Variants in CYP4Z1 observed in about 807,000 individuals in gnomAD.
The protein encoded by CYP4Z1 is cytochrome P450 family 4 subfamily Z member 1, also known as cytochrome P450 4Z1.
Under a neutral mutation model 54.2 loss-of-function variants are expected in CYP4Z1, and 41 were observed. The observed-to-expected ratio is 0.76, with a 90% CI of 0.59 to 0.98. The LOEUF (loss-of-function observed/expected upper bound fraction) is 0.98, where lower values mean the gene tolerates loss of function less well. CYP4Z1 is among the 50% of genes least tolerant of loss of function. The pLI is 0.00. For synonymous variants in CYP4Z1, 163 were observed against 206.2 expected, an observed-to-expected ratio of 0.79 and a Z score of 1.79; for missense variants, 513 against 599.0, an observed-to-expected ratio of 0.86 and a Z score of 1.50.
rs201088738 is a variant in CYP4Z1 at position 47,084,337 on chromosome 1, T to C, written c.493-283T>C. ...TTTATTCCATGTTTTGTCAGCTTAG[T>C]TTTTCCATGATAAAAGTCATATAAA... is the stretch of plus-strand genomic sequence containing the variant. On this transcript the variant is annotated intron_variant, in intron 4 of 11. Coordinates refer to ENST00000334194, the MANE Select transcript of CYP4Z1 (RefSeq NM_178134.3). 7.0e-4 allele frequency among the ~76,000 whole-genome samples: 106 copies of C among 151,530 alleles called. 1 individual carries two copies. The East Asian group carries it at 8.4e-3, about 12-fold the overall frequency.
At chr1:47,096,784 T>G (rs1485468158) in intron 7 of CYP4Z1, 3 of 152,010 alleles carry the variant, frequency 2.0e-5, no homozygotes, top group Admixed American at 6.5e-5. Flanking sequence ...ATTGCCACCA[T>G]GCCTGGCTAA....
chr1:47,083,859 C>G (rs1452040402), intron 4 of CYP4Z1, among the ~76,000 whole-genome samples: 1 of 152,156 alleles, frequency 6.6e-6, no homozygotes, highest in African/African-American at 2.4e-5. Flanking sequence ...TGCTCTTTCT[C>G]TACTCTTCTT....
Position 47,117,960 on chromosome 1 carries a change from A to T in CYP4Z1, c.*26A>T. 7.5e-6 allele frequency: 12 copies of T among 1,604,540 alleles called. No individual in the cohort carries two copies. The highest frequency in any genetic ancestry group is 1.0e-5 in the Non-Finnish European group (12 of 1,173,382). On this transcript the variant is annotated 3_prime_UTR_variant, in exon 12 of 12. Transcript: ENST00000334194. ...TTTTAAGTCCTTTCGTATAAGAATTAATGAGACAATTTTCCTACCAAAGGA... is the reference window on the plus strand; with the variant it reads ...TTTTAAGTCCTTTCGTATAAGAATTTATGAGACAATTTTCCTACCAAAGGA...
upstream of CYP4Z1, among the ~76,000 whole-genome samples, chr1:47,065,445 A>G (rs537215274): frequency 4.3e-4 from 65 of 152,310 alleles, no homozygotes; most frequent in Middle Eastern, 3.4e-3. Flanking sequence ...GGGGTCAACA[A>G]TGAAATCAAG....
chr1:47,105,522 A>G (rs1644750397), intron 8 of CYP4Z1, among the ~76,000 whole-genome samples: 1 of 152,004 alleles, frequency 6.6e-6, no homozygotes, highest in African/African-American at 2.4e-5. Context: ...TCTTTTCCCA[A>G]ATTAAAGAGC....
At chr1:47,086,019 G>T (rs1644591699) in intron 6 of CYP4Z1, among the ~76,000 whole-genome samples, 1 of 152,028 alleles carries the variant, frequency 6.6e-6, no homozygotes. Flanking sequence ...CAAAGGACAT[G>T]AACTCATCCT....
intron 2 of CYP4Z1, among the ~76,000 whole-genome samples, chr1:47,069,270 C>G (rs1417559154): frequency 6.6e-6 from 1 of 152,270 alleles, no homozygotes; most frequent in African/African-American, 2.4e-5. Context: ...AATTGCAGAG[C>G]TGCTTCTTGG....
chr1:47,058,659 A>G, the CYP4Z1 span, among the ~76,000 whole-genome samples: 2 of 151,960 alleles, frequency 1.3e-5, no homozygotes, highest in Non-Finnish European at 1.5e-5. Flanking sequence ...TCTCTCTTTC[A>G]TACACCACAC....
chr1:47,117,979 CA>C lies in CYP4Z1; in HGVS notation c.*48del. On this transcript the variant is annotated 3_prime_UTR_variant, in exon 12 of 12. Transcript: ENST00000334194. The stretch of plus-strand genomic sequence containing the variant: ...AGAATTAATGAGACAATTTTCCTAC[CA>C]AAGGAAGAACAAAAGGATAAATATA... 6.4e-7 allele frequency: 1 copy of C among 1,571,548 alleles called. No homozygotes were observed. The highest frequency in any genetic ancestry group is 8.7e-7 in the Non-Finnish European group (1 of 1,147,646).
At chr1:47,065,471 T>G (rs908544967), upstream of CYP4Z1, among the ~76,000 whole-genome samples, 1 of 152,048 alleles carries the variant, frequency 6.6e-6, no homozygotes, top group African/African-American at 2.4e-5. Context: ...AATTTAAAAA[T>G]TCTTTAAACT....
chr1:47,058,567 C>T, the CYP4Z1 span, among the ~76,000 whole-genome samples: 1 of 152,270 alleles, frequency 6.6e-6, no homozygotes, highest in African/African-American at 2.4e-5. Flanking sequence ...GACCTACGGG[C>T]AATCCTTGAC....
the CYP4Z1 span, among the ~76,000 whole-genome samples, chr1:47,061,948 T>C: frequency 6.6e-6 from 1 of 152,188 alleles, no homozygotes; most frequent in East Asian, 1.9e-4. Context: ...ATTATCTCAA[T>C]AGATGCAGAA....
intron 6 of CYP4Z1, among the ~76,000 whole-genome samples, chr1:47,089,895 C>T (rs1387408023): frequency 6.6e-6 from 1 of 152,236 alleles, no homozygotes; most frequent in Non-Finnish European, 1.5e-5. Context: ...CAGGCTTAGG[C>T]CATTTTTATA....
chr1:47,117,899 A>G lies in CYP4Z1; in HGVS notation c.1483A>G (p.Asn495Asp), dbSNP rs1159690392. 1.2e-6 allele frequency: 2 copies of G among 1,613,612 alleles called. No homozygotes were observed. Among genetic ancestry groups the G allele is most frequent in the Admixed American group, 3.3e-5 (2 of 59,912 alleles). The change falls in exon 12 of 12, where the codon AAT becomes GAT. Residue 495 changes from asparagine (N) to aspartate (D), a missense_variant. Physicochemically the swap from Asn to Asp is conservative, Grantham distance 23. Coordinates refer to ENST00000334194, the MANE Select transcript of CYP4Z1 (RefSeq NM_178134.3). Reference sequence around the variant, plus strand: ...TCGTCAAGTTGTCCTCAAGTCCAAGAATGGAATCCATGTGTTTGCAAAAAA... The same window carrying G: ...TCGTCAAGTTGTCCTCAAGTCCAAGGATGGAATCCATGTGTTTGCAAAAAA... ...PVRQVVLKSKNGIHVFAKKVC is the reference protein window; with the variant it reads ...PVRQVVLKSKDGIHVFAKKVC
In CYP4Z1 at chr1:47,099,118, G is replaced by A. The variant is rs1156657141; in HGVS notation, c.901G>A (p.Glu301Lys). The A allele has an allele frequency of 6.2e-7, 1 of 1,614,066 alleles. No individual in the cohort carries two copies. The highest frequency in any genetic ancestry group is 1.7e-5 in the Admixed American group (1 of 60,006). ...GAGCGAAAACACCAAAGATTTCTCT[G>A]AAGCAGATCTCCAGGCTGAAGTGAA... The part of the protein sequence containing the change: ...AKSENTKDFS[E>K]ADLQAEVKTF... The change falls in exon 8 of 12, where the codon GAA becomes AAA. Residue 301 changes from glutamate (E) to lysine (K), a missense_variant. Physicochemically the swap from Glu to Lys is moderately conservative, Grantham distance 56 (BLOSUM62 1). Coordinates refer to ENST00000334194, the MANE Select transcript of CYP4Z1 (RefSeq NM_178134.3).
intron 1 of CYP4Z1, among the ~76,000 whole-genome samples, chr1:47,068,323 T>C (rs915900142): frequency 5.9e-5 from 9 of 152,224 alleles, no homozygotes; most frequent in African/African-American, 2.2e-4. Context: ...ATCATGGCCC[T>C]GATGACCTAG....
chr1:47,085,683 C>G (rs1644587890), intron 6 of CYP4Z1, among the ~76,000 whole-genome samples: 1 of 149,510 alleles, frequency 6.7e-6, no homozygotes, highest in African/African-American at 2.5e-5. Flanking sequence ...GTCTTTTTTT[C>G]TTTTTCTTTT....
chr1:47,062,721 C>T (rs1044056813), upstream of CYP4Z1, among the ~76,000 whole-genome samples: 17 of 152,108 alleles, frequency 1.1e-4, no homozygotes, highest in Admixed American at 9.8e-4. Flanking sequence ...TTTAAACATG[C>T]CTACCCTGAC....
At chr1:47,084,357 T>C (rs1029297759) in intron 4 of CYP4Z1, among the ~76,000 whole-genome samples, 1 of 151,576 alleles carries the variant, frequency 6.6e-6, no homozygotes, top group Non-Finnish European at 1.5e-5. Flanking sequence ...ATAAAAGTCA[T>C]ATAAATTGTA....
Sources: allele counts gnomAD v4.1 joint callset (sites outside exome capture counted in the v4.1 genomes callset), GRCh38; gene constraint gnomAD v4.1.1; transcripts MANE v1.5; gene names NCBI Gene and HGNC (gene_info 2026-07-23, HGNC 2026-07-21).